CSMD1: variants seen among roughly 807,000 people sequenced by gnomAD.
The protein encoded by CSMD1 is CUB and sushi domain-containing protein 1.
CSMD1 carries 213 observed loss-of-function variants against 417.5 expected under a neutral mutation model. That is an observed-to-expected ratio of 0.51 (90% CI 0.46 to 0.57). The LOEUF is 0.57. Ranked by LOEUF, CSMD1 falls within the 20% of genes least tolerant of loss-of-function variation. CSMD1 has a pLI of 0.00. For synonymous variants in CSMD1, 2,862 were observed against 1,736.8 expected (o/e 1.65, Z -16.11); for missense variants, 6,923 against 4,529.7 (o/e 1.53, Z -15.17).
intron 5 of CSMD1, among the ~76,000 whole-genome samples, chr8:3,916,815 T>C (rs540301184): frequency 2.8e-4 from 42 of 152,166 alleles, no homozygotes; most frequent in Middle Eastern, 3.4e-3. Flanking sequence ...AGATGGATTA[T>C]GGGGGGTGGT....
rs192097378 is a variant in CSMD1 at position 3,619,947 on chromosome 8, T to A, written c.1010-3150A>T. 5.2e-3 allele frequency among the ~76,000 whole-genome samples: 783 copies of A among 151,994 alleles called. 5 individuals carry two copies. Among genetic ancestry groups the A allele is most frequent in the African/African-American group, 0.016 (665 of 41,484 alleles). On this transcript the variant is annotated intron_variant, in intron 7 of 69. Coordinates refer to ENST00000635120, the MANE Select transcript of CSMD1 (RefSeq NM_033225.6). ...TGAAACCCCATTTCTACTAAAAATA[T>A]AAAAATCAGCCAGGCATGGTGGCAG... is the stretch of plus-strand genomic sequence containing the variant.
At chr8:3,356,450 G>T (rs977882353) in intron 21 of CSMD1, among the ~76,000 whole-genome samples, 6 of 152,214 alleles carry the variant, frequency 3.9e-5, no homozygotes, top group African/African-American at 1.2e-4. Context: ...GCCAAGGCGG[G>T]CACATCACAT....
chr8:3,981,574 C>T (rs1029538001), intron 5 of CSMD1, among the ~76,000 whole-genome samples: 10 of 149,308 alleles, frequency 6.7e-5, no homozygotes, highest in African/African-American at 2.5e-4. Flanking sequence ...TGTTCCATCA[C>T]ATCACTCATA....
intron 1 of CSMD1, among the ~76,000 whole-genome samples, chr8:4,896,362 G>T (rs949867136): frequency 2.0e-5 from 3 of 151,882 alleles, no homozygotes; most frequent in South Asian, 4.2e-4. Context: ...CTTAACACAG[G>T]GAGCATTGCT....
At position 4,503,931 on chromosome 8, in the gene CSMD1, G is replaced by A. The variant is rs149296231; in HGVS notation, c.303-83866C>T. On this transcript the variant is annotated intron_variant, in intron 2 of 69. Coordinates refer to ENST00000635120, the MANE Select transcript of CSMD1 (RefSeq NM_033225.6). ...TCAAAATTAAACCGAGGTCTGTAAT[G>A]GAATCATCACATAATCCAGCAACAC... Among the ~76,000 whole-genome samples, 391 of 149,240 alleles carry A rather than the reference G, an allele frequency of 2.6e-3. 2 individuals are homozygous for A. Among genetic ancestry groups the A allele is most frequent in the African/African-American group, 9.3e-3 (376 of 40,426 alleles).
chr8:3,830,199 A>T (rs892541469), intron 5 of CSMD1, among the ~76,000 whole-genome samples: 4 of 152,170 alleles, frequency 2.6e-5, no homozygotes, highest in Non-Finnish European at 4.4e-5. Context: ...TGGAACAAGG[A>T]TTGTTTGAGG....
intron 52 of CSMD1, among the ~76,000 whole-genome samples, chr8:3,003,280 T>G (rs948396712): frequency 1.3e-5 from 2 of 152,208 alleles, no homozygotes; most frequent in Non-Finnish European, 1.5e-5. Context: ...AATTTAAGAT[T>G]CTATTAGTCT....
At chr8:3,507,339 A>G (rs1032045255) in intron 10 of CSMD1, among the ~76,000 whole-genome samples, 3 of 152,116 alleles carry the variant, frequency 2.0e-5, no homozygotes, top group Non-Finnish European at 4.4e-5. Context: ...TGAACTCATC[A>G]TTTTTTATGG....
In CSMD1 at chr8:3,926,105, A is replaced by AC. The variant is rs764044680; in HGVS notation, c.818+71797dup. 3.6e-3 allele frequency among the ~76,000 whole-genome samples: 231 copies of AC among 64,290 alleles called. 14 individuals carry two copies. The highest frequency in any genetic ancestry group is 0.032 in the East Asian group (20 of 618). The allele number at this position is 64,290 out of a possible 152,430, so 42.2% of individuals were successfully genotyped here. The stretch of plus-strand genomic sequence containing the variant: ...CATACACACACACACACACACACAC[A>AC]CACACACACACACACACACACACAC... On this transcript the variant is annotated intron_variant, in intron 5 of 69. Coordinates refer to ENST00000635120, the MANE Select transcript of CSMD1 (RefSeq NM_033225.6).
At chr8:4,540,307 A>C (rs534815936) in intron 2 of CSMD1, among the ~76,000 whole-genome samples, 136 of 152,304 alleles carry the variant, frequency 8.9e-4, no homozygotes, top group Non-Finnish European at 1.6e-3. Flanking sequence ...AAATTTCAGA[A>C]ATCACCACTA....
intron 2 of CSMD1, among the ~76,000 whole-genome samples, chr8:4,473,373 G>A (rs938397047): frequency 6.6e-6 from 1 of 152,172 alleles, no homozygotes; most frequent in African/African-American, 2.4e-5. Flanking sequence ...GGTTGAGAAA[G>A]TGGCTGGCTT....
Position 4,109,104 on chromosome 8 carries a change from T to G in CSMD1, c.416-77005A>C, listed in dbSNP as rs376129128. Among the ~76,000 whole-genome samples, 186 of 152,292 alleles carry G rather than the reference T, an allele frequency of 1.2e-3. 3 individuals are homozygous for G. The South Asian group carries it at 0.037, about 30-fold the overall frequency. Reference sequence around the variant, plus strand: ...CCGCATCCATTCTCCCTATATACATTAAATCATCTCTAGATTATTTATAAT... The same window carrying G: ...CCGCATCCATTCTCCCTATATACATGAAATCATCTCTAGATTATTTATAAT... On this transcript the variant is annotated intron_variant, in intron 3 of 69. Transcript: ENST00000635120.
chr8:4,943,743 A>C (rs891554184), intron 1 of CSMD1, among the ~76,000 whole-genome samples: 1 of 152,216 alleles, frequency 6.6e-6, no homozygotes, highest in African/African-American at 2.4e-5. Context: ...ATGATGTGAT[A>C]AGCAAAGGAC....
At chr8:4,976,297 G>T (rs746569934) in intron 1 of CSMD1, among the ~76,000 whole-genome samples, 39 of 152,132 alleles carry the variant, frequency 2.6e-4, no homozygotes, top group Non-Finnish European at 4.3e-4. Flanking sequence ...CAAATGTATG[G>T]AGTAGCTACC....
intron 3 of CSMD1, among the ~76,000 whole-genome samples, chr8:4,204,630 C>A (rs961384809): frequency 1.2e-4 from 18 of 152,058 alleles, no homozygotes; most frequent in African/African-American, 3.9e-4. Flanking sequence ...CAGTAGGCAA[C>A]AAGCCTAAAT....
At chr8:4,415,287 G>T (rs1333265036) in intron 3 of CSMD1, among the ~76,000 whole-genome samples, 1 of 152,106 alleles carries the variant, frequency 6.6e-6, no homozygotes. Context: ...AAACCACATT[G>T]CTAAGCATTC....
intron 3 of CSMD1, among the ~76,000 whole-genome samples, chr8:4,109,222 G>C (rs766007242): frequency 4.6e-5 from 7 of 152,078 alleles, no homozygotes; most frequent in Non-Finnish European, 8.8e-5. Context: ...TTTCGGTATA[G>C]ACACAACCAT....
chr8:3,320,513 A>G (rs1806080855), intron 23 of CSMD1, among the ~76,000 whole-genome samples: 1 of 152,214 alleles, frequency 6.6e-6, no homozygotes, highest in Non-Finnish European at 1.5e-5. Context: ...TATGACTCAT[A>G]GGCTGATACT....
intron 2 of CSMD1, among the ~76,000 whole-genome samples, chr8:4,482,702 A>C (rs1585147200): frequency 6.6e-6 from 1 of 151,992 alleles, no homozygotes; most frequent in African/African-American, 2.4e-5. Context: ...AATAATTTAC[A>C]CTCCCACCAA....
Sources: allele counts gnomAD v4.1 joint callset (sites outside exome capture counted in the v4.1 genomes callset), GRCh38; gene constraint gnomAD v4.1.1; transcripts MANE v1.5; gene names NCBI Gene and HGNC (gene_info 2026-07-23, HGNC 2026-07-21).